LPP: variants seen among roughly 807,000 people sequenced by gnomAD.
LPP encodes the protein lipoma-preferred partner.
LPP carries 38 observed loss-of-function variants against 60.4 expected under a neutral mutation model. The observed-to-expected ratio is 0.63, with a 90% CI of 0.49 to 0.83. The LOEUF (loss-of-function observed/expected upper bound fraction) is 0.83. Ranked by LOEUF, LPP falls within the 40% of genes least tolerant of loss-of-function variation. The pLI, the probability that LPP is intolerant of heterozygous loss-of-function variation, is 0.00. For synonymous variants in LPP, 328 were observed against 290.8 expected (o/e 1.13, Z -1.30); for missense variants, 902 against 783.6 (o/e 1.15, Z -1.80).
intron 9 of LPP, among the ~76,000 whole-genome samples, chr3:188,838,278 G>GA (rs34851761): frequency 1.3e-5 from 2 of 151,960 alleles, no homozygotes; most frequent in African/African-American, 4.8e-5. Flanking sequence ...TTTTACGGAT[G>GA]AAAAAAAGAT....
intron 7 of LPP, among the ~76,000 whole-genome samples, chr3:188,664,356 G>C (rs1203099286): frequency 6.6e-6 from 1 of 152,114 alleles, no homozygotes; most frequent in East Asian, 1.9e-4. Context: ...GTAAAACCTA[G>C]AAGATATCCC....
At chr3:188,343,008 A>G (rs1470266422) in intron 3 of LPP, among the ~76,000 whole-genome samples, 1 of 151,972 alleles carries the variant, frequency 6.6e-6, no homozygotes, top group Admixed American at 6.6e-5. Flanking sequence ...TTTTTTATTT[A>G]TTTATTTACT....
At chr3:188,551,740 G>A (rs928341561) in intron 6 of LPP, among the ~76,000 whole-genome samples, 1 of 152,126 alleles carries the variant, frequency 6.6e-6, no homozygotes, top group African/African-American at 2.4e-5. Context: ...AGCTACTGAC[G>A]AGTCACTTTC....
chr3:188,542,208 A>G (rs1825387942), intron 6 of LPP, among the ~76,000 whole-genome samples: 1 of 152,202 alleles, frequency 6.6e-6, no homozygotes, highest in East Asian at 1.9e-4. Flanking sequence ...TTTGTCCATG[A>G]TATTAATACC....
At position 188,297,009 on chromosome 3, in the gene LPP, A is replaced by C. The variant is rs552084477; in HGVS notation, c.-66-44654A>C. ...TCTGCAGTGCCAGGCTTCTTGCCCC[A>C]CACTCTTCCCAAATGTCAACATAGT... On this transcript the variant is annotated intron_variant, in intron 2 of 11. Transcript: ENST00000617246. Among the ~76,000 whole-genome samples the C allele has an allele frequency of 4.7e-4, 71 of 152,308 alleles. No homozygotes were observed. The South Asian group carries it at 0.011, about 24-fold the overall frequency.
At position 188,521,038 on chromosome 3, in the gene LPP, C is replaced by T. The variant is rs543647260; in HGVS notation, c.307-3627C>T. ...AAAGGTAAATGAATATCTACAGATT[C>T]GTGGCAGGACTTGGGCAGGACAACA... On this transcript the variant is annotated intron_variant, in intron 5 of 11. Coordinates refer to ENST00000617246, the MANE Select transcript of LPP (RefSeq NM_001375462.1). Among the ~76,000 whole-genome samples the T allele has an allele frequency of 1.1e-4, 16 of 152,106 alleles. No homozygotes were observed. The East Asian group carries it at 1.7e-3, about 17-fold the overall frequency.
chr3:188,447,827 G>C (rs1795628128), intron 4 of LPP, among the ~76,000 whole-genome samples: 1 of 151,858 alleles, frequency 6.6e-6, no homozygotes. Context: ...TATGGCCATA[G>C]AGTAGGGACA....
intron 3 of LPP, among the ~76,000 whole-genome samples, chr3:188,374,076 T>G (rs2151104797): frequency 6.6e-6 from 1 of 152,322 alleles, no homozygotes; most frequent in African/African-American, 2.4e-5. Flanking sequence ...TATCTCTGTT[T>G]TGGTACCCGT....
chr3:188,795,369 G>T (rs1328400657), intron 9 of LPP, among the ~76,000 whole-genome samples: 1 of 152,176 alleles, frequency 6.6e-6, no homozygotes, highest in Non-Finnish European at 1.5e-5. Context: ...TGTTTAGCCA[G>T]TGCATTCCAC....
At chr3:188,196,916 T>G (rs1193697293) in intron 1 of LPP, among the ~76,000 whole-genome samples, 1 of 152,202 alleles carries the variant, frequency 6.6e-6, no homozygotes, top group Non-Finnish European at 1.5e-5. Flanking sequence ...GATTTTGCTC[T>G]GATACCACCT....
chr3:188,845,625 C>T (rs1273733876), intron 9 of LPP, among the ~76,000 whole-genome samples: 1 of 152,078 alleles, frequency 6.6e-6, no homozygotes, highest in East Asian at 1.9e-4. Flanking sequence ...TTTCATAAAT[C>T]TCCTCTGGTA....
chr3:188,769,927 T>C (rs1366279176), intron 9 of LPP, among the ~76,000 whole-genome samples: 1 of 152,162 alleles, frequency 6.6e-6, no homozygotes, highest in African/African-American at 2.4e-5. Flanking sequence ...ACCTTCCCAC[T>C]GCCCTAGTTT....
intron 3 of LPP, among the ~76,000 whole-genome samples, chr3:188,404,703 G>A (rs1351808480): frequency 2.6e-5 from 4 of 152,154 alleles, no homozygotes; most frequent in Admixed American, 2.6e-4. Context: ...ATGTACTGAG[G>A]CCTTTGATTT....
At chr3:188,810,380 C>T (rs73199019) in intron 9 of LPP, among the ~76,000 whole-genome samples, 1 of 152,152 alleles carries the variant, frequency 6.6e-6, no homozygotes, top group Non-Finnish European at 1.5e-5. Flanking sequence ...TCTGCAGTCT[C>T]AGTTACCCAT....
At chr3:188,828,290 G>C (rs1756129925) in intron 9 of LPP, among the ~76,000 whole-genome samples, 1 of 151,924 alleles carries the variant, frequency 6.6e-6, no homozygotes, top group Non-Finnish European at 1.5e-5. Flanking sequence ...CTCAGTTCCA[G>C]AGTTAGGCAG....
At chr3:188,438,621 T>C (rs1792975370) in intron 4 of LPP, among the ~76,000 whole-genome samples, 1 of 152,170 alleles carries the variant, frequency 6.6e-6, no homozygotes, top group Non-Finnish European at 1.5e-5. Context: ...AGGCATGGCA[T>C]ACCTGCAGAA....
chr3:188,525,685 G>A (rs1820395016), intron 6 of LPP, among the ~76,000 whole-genome samples: 3 of 152,132 alleles, frequency 2.0e-5, no homozygotes, highest in Non-Finnish European at 4.4e-5. Flanking sequence ...CAGATTTCTA[G>A]GAGTGGGGTT....
At chr3:188,241,929 C>G (rs573319802) in intron 2 of LPP, among the ~76,000 whole-genome samples, 1 of 152,082 alleles carries the variant, frequency 6.6e-6, no homozygotes, top group Non-Finnish European at 1.5e-5. Context: ...GTCTTTATTC[C>G]AGTGACCTCT....
Position 188,352,974 on chromosome 3 carries a change from G to T in LPP, c.-10+11255G>T, listed in dbSNP as rs999768699. Among the ~76,000 whole-genome samples, 2 of 152,150 alleles carry T rather than the reference G, an allele frequency of 1.3e-5. No homozygotes were observed. The highest frequency in any genetic ancestry group is 2.9e-5 in the Non-Finnish European group (2 of 68,026). On this transcript the variant is annotated intron_variant, in intron 3 of 11. Coordinates refer to ENST00000617246, the MANE Select transcript of LPP (RefSeq NM_001375462.1). This position sits in a 1 kb window ranked among gnomAD's most constrained non-coding sequence, Gnocchi z 4.4. The stretch of plus-strand genomic sequence containing the variant: ...CGCAGATGGGTTCCTTGAGAAGTGA[G>T]TGCTTAAAGGGGCTGGGATAGATAA...
Sources: allele counts gnomAD v4.1 joint callset (sites outside exome capture counted in the v4.1 genomes callset), GRCh38; gene constraint gnomAD v4.1.1; non-coding constraint Gnocchi (gnomAD v3.1); transcripts MANE v1.5; gene names NCBI Gene and HGNC (gene_info 2026-07-23, HGNC 2026-07-21).